Variants in UNC5D observed in about 807,000 individuals in gnomAD.
UNC5D encodes the protein unc-5 netrin receptor D, also known as netrin receptor UNC5D.
UNC5D carries 39 observed loss-of-function variants against 105.4 expected under a neutral mutation model. The observed-to-expected ratio is 0.37, with a 90% CI of 0.29 to 0.48. The LOEUF (loss-of-function observed/expected upper bound fraction) is 0.48. Ranked by LOEUF, UNC5D falls within the 20% of genes least tolerant of loss-of-function variation. The pLI, the probability that UNC5D is intolerant of heterozygous loss-of-function variation, is 0.98. For synonymous variants in UNC5D, 452 were observed against 450.4 expected, an observed-to-expected ratio of 1.00 and a Z score of -0.04; for missense variants, 991 against 1,202.4, an observed-to-expected ratio of 0.82 and a Z score of 2.60.
chr8:35,240,405 A>G (rs184087980), intron 1 of UNC5D, among the ~76,000 whole-genome samples: 43 of 152,328 alleles, frequency 2.8e-4, no homozygotes, highest in African/African-American at 1.0e-3. Context: ...TAATAGTAAT[A>G]CTTATTAGTA....
intron 1 of UNC5D, among the ~76,000 whole-genome samples, chr8:35,373,884 G>T (rs1056602117): frequency 3.3e-5 from 5 of 152,148 alleles, no homozygotes; most frequent in African/African-American, 1.2e-4. Context: ...GAGCACCAGG[G>T]TTCTGAAGAT....
At chr8:35,603,614 C>T (rs372018228) in intron 4 of UNC5D, among the ~76,000 whole-genome samples, 15 of 152,134 alleles carry the variant, frequency 9.9e-5, no homozygotes, top group South Asian at 2.1e-4. Context: ...CTTTCTGTCT[C>T]GTTGATCTGT....
chr8:35,257,672 C>A (rs748331877), intron 1 of UNC5D, among the ~76,000 whole-genome samples: 2 of 152,108 alleles, frequency 1.3e-5, no homozygotes, highest in Non-Finnish European at 1.5e-5. Context: ...AAATCAGTAA[C>A]CTGCATTTCT....
At chr8:35,550,218 A>T (rs1348396962) in intron 2 of UNC5D, among the ~76,000 whole-genome samples, 2 of 152,194 alleles carry the variant, frequency 1.3e-5, no homozygotes, top group African/African-American at 2.4e-5. Flanking sequence ...CCTGCAGTAG[A>T]TAATGCTATT....
chr8:35,413,039 G>T (rs1267865722), intron 1 of UNC5D, among the ~76,000 whole-genome samples: 1 of 152,108 alleles, frequency 6.6e-6, no homozygotes, highest in Non-Finnish European at 1.5e-5. Flanking sequence ...TCAGTTTCTT[G>T]TTTACGCTGA....
chr8:35,664,296 T>G (rs1372269145), intron 4 of UNC5D, among the ~76,000 whole-genome samples: 1 of 152,150 alleles, frequency 6.6e-6, no homozygotes, highest in Admixed American at 6.6e-5. Flanking sequence ...TCAGAAACAG[T>G]TCTGCTGCCA....
chr8:35,785,541 G>T (rs920526364), intron 16 of UNC5D, among the ~76,000 whole-genome samples: 1 of 152,064 alleles, frequency 6.6e-6, no homozygotes, highest in African/African-American at 2.4e-5. Flanking sequence ...TATATTTTTA[G>T]AAGAGATGGG....
intron 16 of UNC5D, among the ~76,000 whole-genome samples, chr8:35,787,610 G>A (rs183997783): frequency 1.3e-5 from 2 of 150,954 alleles, no homozygotes; most frequent in Admixed American, 1.3e-4. Flanking sequence ...AAGTTGTTCG[G>A]TTTTTTTGTT....
chr8:35,539,539 T>G (rs1815119743), intron 1 of UNC5D, among the ~76,000 whole-genome samples: 1 of 152,200 alleles, frequency 6.6e-6, no homozygotes, highest in Non-Finnish European at 1.5e-5. Context: ...TGGATGTCAG[T>G]GCAAAGAGGT....
chr8:35,430,179 A>G (rs1265960357), intron 1 of UNC5D, among the ~76,000 whole-genome samples: 4 of 152,042 alleles, frequency 2.6e-5, no homozygotes, highest in African/African-American at 4.8e-5. Flanking sequence ...AGGAGGAGAG[A>G]GGAGCTTCTC....
chr8:35,342,241 G>A (rs1353607911), intron 1 of UNC5D, among the ~76,000 whole-genome samples: 1 of 152,076 alleles, frequency 6.6e-6, no homozygotes, highest in Non-Finnish European at 1.5e-5. Context: ...AGGTAGATCA[G>A]AATTTGTCTT....
chr8:35,732,916 CA>C (rs1408669973), intron 11 of UNC5D, among the ~76,000 whole-genome samples: 1 of 152,104 alleles, frequency 6.6e-6, no homozygotes, highest in Non-Finnish European at 1.5e-5. Context: ...CCAAAGACCT[CA>C]AAAAACAGCT....
At chr8:35,298,027 G>A (rs977000696) in intron 1 of UNC5D, among the ~76,000 whole-genome samples, 10 of 152,086 alleles carry the variant, frequency 6.6e-5, no homozygotes, top group Non-Finnish European at 1.5e-4. Flanking sequence ...GCTTCACATA[G>A]GGCTTCCTCT....
intron 13 of UNC5D, among the ~76,000 whole-genome samples, chr8:35,756,560 A>T (rs897607143): frequency 2.2e-4 from 33 of 150,354 alleles, no homozygotes; most frequent in African/African-American, 8.2e-4. Context: ...TTAAAAAAAA[A>T]AAAAAAAGAA....
Position 35,705,959 on chromosome 8 carries a change from AAAGT to A in UNC5D, c.1117+3_1117+6del. 1 of 1,302,624 alleles carries A rather than the reference AAAGT, an allele frequency of 7.7e-7. No individual in the cohort carries two copies. The highest frequency in any genetic ancestry group is 1.5e-5 in the African/African-American group (1 of 68,016). The allele number at this position is 1,302,624 out of a possible 1,614,324, so 80.7% of individuals were successfully genotyped here. On this transcript the variant is annotated splice_donor_variant and coding_sequence_variant, in exon 8 of 17. Coordinates refer to ENST00000404895, the MANE Select transcript of UNC5D (RefSeq NM_080872.4). LOFTEE classifies it high-confidence loss of function. ...AAACCTCTTCATGAAATAAAACCCC[AAAGT>A]AAGTTATTTTTCCTCTTGTGAATAT... is the stretch of plus-strand genomic sequence containing the variant.
intron 1 of UNC5D, among the ~76,000 whole-genome samples, chr8:35,432,207 G>T (rs1377442173): frequency 1.3e-5 from 2 of 152,178 alleles, no homozygotes; most frequent in Middle Eastern, 3.4e-3. Flanking sequence ...TTATCGTGAG[G>T]ATCAAACAAC....
At chr8:35,756,734 A>T (rs536704334) in intron 13 of UNC5D, among the ~76,000 whole-genome samples, 1 of 152,108 alleles carries the variant, frequency 6.6e-6, no homozygotes, top group Non-Finnish European at 1.5e-5. Context: ...TCATGTGTAA[A>T]TAAGGCACTT....
intron 1 of UNC5D, among the ~76,000 whole-genome samples, chr8:35,532,208 C>T (rs1196747503): frequency 1.0e-4 from 15 of 150,080 alleles, no homozygotes; most frequent in African/African-American, 2.0e-4. Flanking sequence ...CCATGTTTAG[C>T]GCTTCCTTCA....
At chr8:35,268,919 G>T (rs1390129839) in intron 1 of UNC5D, among the ~76,000 whole-genome samples, 3 of 152,008 alleles carry the variant, frequency 2.0e-5, no homozygotes, top group Non-Finnish European at 4.4e-5. Flanking sequence ...AATTATAACT[G>T]AACAAATTAT....
Sources: gnomAD v4.1 joint callset for allele counts (sites outside exome capture counted in the v4.1 genomes callset) on GRCh38, gnomAD v4.1.1 for gene constraint, MANE v1.5 for transcripts, NCBI Gene and HGNC (gene_info 2026-07-23, HGNC 2026-07-21) for gene names.